Variants in SULT2B1 observed in about 807,000 individuals in gnomAD.
The protein encoded by SULT2B1 is sulfotransferase 2B1.
A neutral mutation model predicts 33.2 loss-of-function variants in SULT2B1; 16 were observed. That is an observed-to-expected ratio of 0.48 (90% confidence interval 0.33 to 0.73). SULT2B1 has a LOEUF of 0.73. Ranked by LOEUF, SULT2B1 falls within the 30% of genes least tolerant of loss-of-function variation. SULT2B1 has a pLI of 0.02. For synonymous variants in SULT2B1, 186 were observed against 200.5 expected (o/e 0.93, Z 0.61); for missense variants, 500 against 506.0 (o/e 0.99, Z 0.11).
At chr19:48,558,820 G>A (rs1006471781) in intron 1 of SULT2B1, among the ~76,000 whole-genome samples, 4 of 151,688 alleles carry the variant, frequency 2.6e-5, no homozygotes, top group African/African-American at 4.8e-5. Context: ...GAGTAGCTGG[G>A]ACTACAGGCG....
rs936704482 is a variant in SULT2B1, at chr19:48,582,156, C to T, written c.215-5073C>T. On this transcript the variant is annotated intron_variant, in intron 2 of 6. Coordinates refer to ENST00000201586, the MANE Select transcript of SULT2B1 (RefSeq NM_177973.2). ...CTGACCTCAGGAGATCCACCTGCCT[C>T]GGCCTCCCAAAGTGCAGGGATTACA... Among the ~76,000 whole-genome samples the T allele has an allele frequency of 6.6e-5, 10 of 152,132 alleles. No individual in the cohort carries two copies. The East Asian group carries it at 1.2e-3, about 18-fold the overall frequency.
chr19:48,554,655 T>A (rs1423068755), intron 1 of SULT2B1, among the ~76,000 whole-genome samples: 4 of 3,666 alleles, frequency 1.1e-3, no homozygotes, highest in Non-Finnish European at 1.6e-3. Flanking sequence ...ACTCTACTGC[T>A]TTTTTTTTTT....
intron 5 of SULT2B1, among the ~76,000 whole-genome samples, chr19:48,594,582 CAT>C (rs1973685832): frequency 6.6e-6 from 1 of 152,206 alleles, no homozygotes; most frequent in African/African-American, 2.4e-5. Context: ...GCGCCGCCCA[CAT>C]GTTAGAATTT....
At chr19:48,567,174 G>A (rs915782515) in intron 1 of SULT2B1, among the ~76,000 whole-genome samples, 2 of 151,992 alleles carry the variant, frequency 1.3e-5, no homozygotes, top group Non-Finnish European at 2.9e-5. Context: ...TGCCATGATC[G>A]CCCTGGGATA....
At chr19:48,591,894 C>T (rs1001171222) in intron 4 of SULT2B1, among the ~76,000 whole-genome samples, 159 bp downstream of exon 4, 2 of 121,126 alleles carry the variant, frequency 1.7e-5, no homozygotes, top group Non-Finnish European at 1.8e-5. Context: ...GGAGAAGAGA[C>T]GGAGGGAGAG....
At chr19:48,555,247 A>G (rs1349284106) in intron 1 of SULT2B1, among the ~76,000 whole-genome samples, 2 of 151,948 alleles carry the variant, frequency 1.3e-5, no homozygotes, top group African/African-American at 2.4e-5. Flanking sequence ...ACCCGCCACC[A>G]TGCCTGGCTA....
At chr19:48,560,916 C>A (rs1042245834) in intron 1 of SULT2B1, among the ~76,000 whole-genome samples, 1 of 151,708 alleles carries the variant, frequency 6.6e-6, no homozygotes, top group Non-Finnish European at 1.5e-5. Flanking sequence ...GAGCTAAGAT[C>A]CTGCCATTGC....
chr19:48,563,428 A>C (rs943471426), intron 1 of SULT2B1, among the ~76,000 whole-genome samples: 1 of 152,226 alleles, frequency 6.6e-6, no homozygotes, highest in African/African-American at 2.4e-5. Context: ...CTGGATCAAC[A>C]CATTGTGAAT....
intron 6 of SULT2B1, among the ~76,000 whole-genome samples, chr19:48,598,532 C>T (rs558652385): frequency 1.3e-5 from 2 of 152,046 alleles, no homozygotes; most frequent in African/African-American, 4.8e-5. Context: ...TGCAGTGAGC[C>T]GTGATCACAC....
rs1444552690 is a variant in SULT2B1, at chr19:48,576,086, A to G, written c.214+3A>G. On this transcript the variant is annotated splice_donor_region_variant and intron_variant, in intron 2 of 6. Transcript: ENST00000201586. ...TATCATCACCTACCCCAAGTCAGGT[A>G]CCTGCCGGGCTGCGGGCGTCGGGGG... 1.2e-6 allele frequency: 2 copies of G among 1,607,230 alleles called. No homozygotes were observed. The highest frequency in any genetic ancestry group is 1.7e-5 in the Admixed American group (1 of 59,886).
chr19:48,572,509 A>G (rs35172026), intron 1 of SULT2B1, among the ~76,000 whole-genome samples: 82,573 of 151,342 alleles, frequency 0.55, 23,630 homozygotes, highest in South Asian at 0.67. Flanking sequence ...GCAAGACTCC[A>G]TCTCAAAAAA....
chr19:48,599,164 A>G lies in SULT2B1; in HGVS notation c.856A>G (p.Thr286Ala). The change falls in exon 7 of 7, where the codon ACG becomes GCG. Residue 286 changes from threonine to alanine, a missense_variant. Physicochemically the swap from Thr to Ala is moderately conservative, Grantham distance 58. Coordinates refer to ENST00000201586, the MANE Select transcript of SULT2B1 (RefSeq NM_177973.2). This position sits in a 1 kb window ranked among gnomAD's most constrained non-coding sequence, Gnocchi z 4.1. ...GVCGDWKNHF[T>A]VAQSEAFDRA... ...CTGCGGCGACTGGAAGAACCACTTC[A>G]CGGTGGCCCAGAGCGAAGCCTTCGA... The G allele has an allele frequency of 6.3e-7, 1 of 1,593,788 alleles. No individual in the cohort carries two copies. Among genetic ancestry groups the G allele is most frequent in the Non-Finnish European group, 8.5e-7 (1 of 1,173,622 alleles).
At chr19:48,579,605 C>CTTTCTTTT (rs71179013) in intron 2 of SULT2B1, among the ~76,000 whole-genome samples, 9,857 of 80,094 alleles carry the variant, frequency 0.12, 984 homozygotes, top group East Asian at 0.35. Flanking sequence ...TTCTTTCTTT[C>CTTTCTTTT]TTTTTTTTTT....
chr19:48,556,031 C>T (rs891382978), intron 1 of SULT2B1, among the ~76,000 whole-genome samples: 6 of 152,026 alleles, frequency 3.9e-5, no homozygotes, highest in Non-Finnish European at 8.8e-5. Flanking sequence ...TGAGCCACCG[C>T]GCCCGGCCTA....
At chr19:48,577,410 G>GGCT (rs1222407284) in intron 2 of SULT2B1, among the ~76,000 whole-genome samples, 2 of 125,316 alleles carry the variant, frequency 1.6e-5, no homozygotes, top group Non-Finnish European at 3.2e-5. Context: ...CTGTTGCCCG[G>GGCT]GCTGGAGTGC....
At chr19:48,583,175 A>T (rs935530085) in intron 2 of SULT2B1, among the ~76,000 whole-genome samples, 2 of 141,512 alleles carry the variant, frequency 1.4e-5, no homozygotes, top group Admixed American at 6.8e-5. Flanking sequence ...AAAAGAAAAA[A>T]CAGAAGAAAA....
chr19:48,555,570 C>CTT (rs1973088386), intron 1 of SULT2B1, among the ~76,000 whole-genome samples: 1 of 150,894 alleles, frequency 6.6e-6, no homozygotes, highest in South Asian at 2.1e-4. Flanking sequence ...CTCTCTCTCT[C>CTT]TCTCTCTCTC....
intron 2 of SULT2B1, among the ~76,000 whole-genome samples, chr19:48,579,414 C>T (rs1973455085): frequency 6.6e-6 from 1 of 150,584 alleles, no homozygotes. Context: ...TCCCAATTAG[C>T]TGGGACTACA....
rs1331878683 is a variant in SULT2B1 at position 48,552,665 on chromosome 19, T to C, written c.71+342T>C. Among the ~76,000 whole-genome samples, 1 of 152,094 alleles carries C rather than the reference T, an allele frequency of 6.6e-6. No homozygotes were observed. Among genetic ancestry groups the C allele is most frequent in the Admixed American group, 6.6e-5 (1 of 15,252 alleles). ...GAGCAGGCAGCTTGGTGCATAGTAG[T>C]TGCTCAGGAAACACAACAGCCTGTA... On this transcript the variant is annotated intron_variant, in intron 1 of 6. Coordinates refer to ENST00000201586, the MANE Select transcript of SULT2B1 (RefSeq NM_177973.2). The surrounding 1 kb of genome is among the most constrained non-coding windows in gnomAD (Gnocchi z 4.8).
Sources: gnomAD v4.1 joint callset for allele counts (sites outside exome capture counted in the v4.1 genomes callset) on GRCh38, gnomAD v4.1.1 for gene constraint, Gnocchi (gnomAD v3.1) non-coding constraint, MANE v1.5 for transcripts, NCBI Gene and HGNC (gene_info 2026-07-23, HGNC 2026-07-21) for gene names.